CCDC6: variants seen among roughly 807,000 people sequenced by gnomAD.
CCDC6 encodes coiled-coil domain containing 6.
Under a neutral mutation model 56.6 loss-of-function variants are expected in CCDC6, and 20 were observed. That is an observed-to-expected ratio of 0.35 (90% CI 0.25 to 0.51). CCDC6 has a LOEUF of 0.51. Among genes scored for constraint, CCDC6 ranks in the 20% least tolerant of loss-of-function variants. CCDC6 has a pLI of 0.95. For missense variants in CCDC6, 367 were observed against 601.1 expected (o/e 0.61, Z 4.07); for synonymous variants, 241 against 234.4 (o/e 1.03, Z -0.26).
intron 1 of CCDC6, among the ~76,000 whole-genome samples, chr10:59,860,688 T>TA (rs760538927): frequency 6.6e-5 from 10 of 152,112 alleles, no homozygotes; most frequent in South Asian, 4.1e-4. Flanking sequence ...CCAACTCAAT[T>TA]ACTGATCAAA....
At chr10:59,891,889 T>G (rs1038663216) in intron 1 of CCDC6, among the ~76,000 whole-genome samples, 2 of 152,130 alleles carry the variant, frequency 1.3e-5, no homozygotes, top group Non-Finnish European at 2.9e-5. Flanking sequence ...AAAAGCATGC[T>G]CCTCAATCTT....
At chr10:59,834,941 A>G (rs76482549) in intron 2 of CCDC6, among the ~76,000 whole-genome samples, 2,511 of 152,346 alleles carry the variant, frequency 0.016, 29 homozygotes, top group Middle Eastern at 0.044. Context: ...TTCATTCAGT[A>G]AGCGTGCTGT....
intron 6 of CCDC6, 147 bp from the exon 7 acceptor site, chr10:59,804,667 A>G (rs1313036981): frequency 1.6e-6 from 1 of 611,096 alleles, no homozygotes; most frequent in Non-Finnish European, 3.0e-6. Context: ...GCATTTATAA[A>G]ATGGACTCCT....
chr10:59,814,963 T>C (rs1234688065), intron 3 of CCDC6, among the ~76,000 whole-genome samples: 1 of 152,182 alleles, frequency 6.6e-6, no homozygotes, highest in East Asian at 1.9e-4. Flanking sequence ...GCTTAATTGT[T>C]GTCTGGTACA....
chr10:59,801,683 CTTGT>C (rs1487904711), intron 7 of CCDC6, among the ~76,000 whole-genome samples: 3 of 152,044 alleles, frequency 2.0e-5, no homozygotes, highest in African/African-American at 7.2e-5. Context: ...TGTCTTCTCC[CTTGT>C]TTATTTATTT....
intron 1 of CCDC6, among the ~76,000 whole-genome samples, chr10:59,866,206 T>C (rs2071175746): frequency 1.3e-5 from 2 of 152,148 alleles, no homozygotes; most frequent in Admixed American, 1.3e-4. Flanking sequence ...GGGTATATAA[T>C]CCTCCTAGCA....
chr10:59,807,693 T>C (rs1015919814), intron 5 of CCDC6, among the ~76,000 whole-genome samples: 6 of 152,216 alleles, frequency 3.9e-5, no homozygotes, highest in Non-Finnish European at 8.8e-5. Context: ...AATGGTGGAA[T>C]TGGAGTCTAC....
At chr10:59,824,241 C>G (rs2070768728) in intron 3 of CCDC6, among the ~76,000 whole-genome samples, 1 of 152,130 alleles carries the variant, frequency 6.6e-6, no homozygotes, top group Non-Finnish European at 1.5e-5. Context: ...TCCCTTGACA[C>G]AGCTCAGAGT....
At chr10:59,882,092 CCG>C (rs2071343688) in intron 1 of CCDC6, among the ~76,000 whole-genome samples, 1 of 95,612 alleles carries the variant, frequency 1.0e-5, no homozygotes, top group Non-Finnish European at 2.2e-5. Context: ...GAAAGGAAAG[CCG>C]GGGGGAGAAG....
chr10:59,824,545 C>T (rs185768642), intron 3 of CCDC6, among the ~76,000 whole-genome samples: 85 of 152,180 alleles, frequency 5.6e-4, no homozygotes, highest in African/African-American at 1.9e-3. Flanking sequence ...CCCACCAAGC[C>T]GACTTCAGGG....
chr10:59,838,205 G>T (rs1449263363), intron 2 of CCDC6, among the ~76,000 whole-genome samples: 7 of 148,550 alleles, frequency 4.7e-5, no homozygotes, highest in Admixed American at 1.3e-4. Flanking sequence ...CAAGGCCCAT[G>T]AAGTCAGCCT....
chr10:59,852,441 T>C (rs2271561), intron 2 of CCDC6, 112 bp downstream of exon 2: 214,946 of 864,248 alleles, frequency 0.25, 29,706 homozygotes, highest in Middle Eastern at 0.3. Flanking sequence ...TCCAAAGAAC[T>C]TAAGCTACAA....
At chr10:59,900,321 G>A (rs150442383) in intron 1 of CCDC6, among the ~76,000 whole-genome samples, 177 of 152,272 alleles carry the variant, frequency 1.2e-3, no homozygotes, top group African/African-American at 3.6e-3. Context: ...AGGGGTTCAG[G>A]TGGAGAAGGC....
chr10:59,898,380 C>T (rs2071479490), intron 1 of CCDC6, among the ~76,000 whole-genome samples: 1 of 152,242 alleles, frequency 6.6e-6, no homozygotes, highest in Admixed American at 6.5e-5. Context: ...TAATAAACTA[C>T]AAGCTAATTA....
chr10:59,792,410 A>G lies in CCDC6; in HGVS notation c.*507T>C. 2.4e-6 allele frequency: 1 copy of G among 418,094 alleles called. No individual in the cohort carries two copies. Among genetic ancestry groups the G allele is most frequent in the South Asian group, 2.3e-5 (1 of 43,968 alleles). The allele number at this position is 418,094 out of a possible 1,614,324, so 25.9% of individuals were successfully genotyped here. ...ATATGTCTTGGGCACTGATTCATCT[A>G]ACTTTCTGTTCTACACTGAAAGCCA... On this transcript the variant is annotated 3_prime_UTR_variant, in exon 9 of 9. Transcript: ENST00000263102.
In CCDC6 at chr10:59,834,382, C is replaced by G. The variant is rs143651570; in HGVS notation, c.454-1729G>C. Among the ~76,000 whole-genome samples the G allele has an allele frequency of 2.7e-3, 405 of 151,590 alleles. 13 individuals are homozygous for G. The East Asian group carries it at 0.065, about 25-fold the overall frequency. On this transcript the variant is annotated intron_variant, in intron 2 of 8. Transcript: ENST00000263102. ...ACCCTGTCTCTACTAAAAATACAAA[C>G]AAACAAACAAACAAATAAATAAATA...
intron 2 of CCDC6, among the ~76,000 whole-genome samples, chr10:59,836,052 TAAAAAAAAAA>T (rs59353306): frequency 3.5e-5 from 2 of 57,596 alleles, no homozygotes; most frequent in African/African-American, 6.6e-5. Context: ...CGACCCTGTC[TAAAAAAAAAA>T]AAAAAAAAAA....
intron 3 of CCDC6, among the ~76,000 whole-genome samples, chr10:59,821,638 C>T (rs748035859): frequency 7.2e-5 from 11 of 152,124 alleles, no homozygotes; most frequent in African/African-American, 1.2e-4. Flanking sequence ...TCATGCAATG[C>T]TGAGAACAGA....
intron 7 of CCDC6, among the ~76,000 whole-genome samples, chr10:59,797,588 C>CAAAAAAAAAAAA (rs10561094): frequency 1.6e-4 from 5 of 31,606 alleles, no homozygotes; most frequent in African/African-American, 4.6e-4. Flanking sequence ...AACCTCCTAG[C>CAAAAAAAAAAAA]AAAAAAAAAA....
Sources: gnomAD v4.1 joint callset for allele counts (sites outside exome capture counted in the v4.1 genomes callset) on GRCh38, gnomAD v4.1.1 for gene constraint, MANE v1.5 for transcripts, NCBI Gene and HGNC (gene_info 2026-07-23, HGNC 2026-07-21) for gene names.